Variants in GUCA1A observed in about 807,000 individuals in gnomAD.
GUCA1A encodes guanylate cyclase activator 1A, also known as guanylyl cyclase-activating protein 1.
GUCA1A carries 14 observed loss-of-function variants against 18.5 expected under a neutral mutation model. That is an observed-to-expected ratio of 0.76 (90% confidence interval 0.50 to 1.18). The LOEUF (loss-of-function observed/expected upper bound fraction) is 1.18. Ranked by LOEUF, GUCA1A falls within the 50% of genes most tolerant of loss-of-function variation. The pLI is 0.00. For synonymous variants in GUCA1A, 97 were observed against 100.2 expected (o/e 0.97, Z 0.19); for missense variants, 264 against 262.4 (o/e 1.01, Z -0.04).
rs913146179 is a variant in GUCA1A, at chr6:42,173,510, C to T, written c.-104C>T. 11 of 866,288 alleles carry T rather than the reference C, an allele frequency of 1.3e-5. No homozygotes were observed. In the African/African-American group the frequency reaches 1.3e-4, roughly 10 times the overall value. 53.7% of individuals were successfully genotyped at this position (866,288 alleles called of 1,614,324 possible). On this transcript the variant is annotated 5_prime_UTR_variant, in exon 1 of 4. Transcript: ENST00000372958. ...TTTGCTCAGGCCTGAAGGACTCAGG[C>T]CTGTGAGAGAGGACGGCCCCGTTGT... is the stretch of plus-strand genomic sequence containing the variant.
chr6:42,179,075 G>A (rs1455585217), intron 3 of GUCA1A, among the ~76,000 whole-genome samples, 168 bp from the exon 4 acceptor site: 1 of 146,682 alleles, frequency 6.8e-6, no homozygotes, highest in African/African-American at 2.7e-5. Context: ...AGGGGCCCCT[G>A]GACCAGAATC....
rs1582323170 is a variant in GUCA1A, at chr6:42,178,364, T to C, written c.286T>C (p.Phe96Leu). The stretch of plus-strand genomic sequence containing the variant: ...GGTGGAACAGAAGCTCCGCTGGTAC[T>C]TCAAGCTCTATGATGTAGATGGCAA... ...GKVEQKLRWY[F>L]KLYDVDGNGC... Residue 96 changes from phenylalanine (F) to leucine (L), a missense_variant, in exon 2 of 4, where the codon TTC becomes CTC. Physicochemically the swap from Phe to Leu is conservative, Grantham distance 22 (BLOSUM62 0). Coordinates refer to ENST00000372958, the MANE Select transcript of GUCA1A (RefSeq NM_001384910.1). The C allele has an allele frequency of 6.2e-7, 1 of 1,613,962 alleles. No homozygotes were observed. The highest frequency in any genetic ancestry group is 8.5e-7 in the Non-Finnish European group (1 of 1,179,826).
intron 1 of GUCA1A, among the ~76,000 whole-genome samples, chr6:42,177,768 C>G (rs1170663711): frequency 6.6e-6 from 1 of 152,178 alleles, no homozygotes; most frequent in East Asian, 1.9e-4. Flanking sequence ...ACTGAATGAG[C>G]CCACTGTGGG....
chr6:42,179,167 C>T (rs1768044841), intron 3 of GUCA1A, 76 bp from the exon 4 acceptor site: 4 of 1,402,842 alleles, frequency 2.9e-6, no homozygotes, highest in Admixed American at 1.7e-5. Flanking sequence ...CTGCCCCTGG[C>T]AAGAACCCGG....
In GUCA1A at chr6:42,179,747, C is replaced by T. The variant is rs549270436; in HGVS notation, c.*344C>T. 2.5e-4 allele frequency: 49 copies of T among 196,606 alleles called. No homozygotes were observed. Among genetic ancestry groups the T allele is most frequent in the African/African-American group, 1.0e-3 (44 of 42,904 alleles). The allele number at this position is 196,606 out of a possible 1,614,324, so 12.2% of individuals were successfully genotyped here. ...CTTCTCCAGTCCATGCTCTTCTGGA[C>T]GTGGACTCTCTGAGGCAGAACTGAG... On this transcript the variant is annotated 3_prime_UTR_variant, in exon 4 of 4. Coordinates refer to ENST00000372958, the MANE Select transcript of GUCA1A (RefSeq NM_001384910.1).
Position 42,178,785 on chromosome 6 carries a change from C to T in GUCA1A, c.352-17C>T. ...AAGGATGGGCCCCTCTCACTTCTGC[C>T]CCTTCTTCCCTCCCAGGCCATTCGC... On this transcript the variant is annotated splice_polypyrimidine_tract_variant and intron_variant, in intron 2 of 3. Transcript: ENST00000372958. 3.8e-6 allele frequency: 6 copies of T among 1,582,732 alleles called. 1 individual carries two copies. The South Asian group carries it at 6.6e-5, about 17-fold the overall frequency.
In GUCA1A at chr6:42,173,484, C is replaced by T. The variant is rs1767861510; in HGVS notation, c.-130C>T. On this transcript the variant is annotated 5_prime_UTR_variant, in exon 1 of 4. Coordinates refer to ENST00000372958, the MANE Select transcript of GUCA1A (RefSeq NM_001384910.1). Reference sequence around the variant, plus strand: ...GTACCATCTGATCCATCAGGCCCTTCTTTGCTCAGGCCTGAAGGACTCAGG... The same window carrying T: ...GTACCATCTGATCCATCAGGCCCTTTTTTGCTCAGGCCTGAAGGACTCAGG... The T allele has an allele frequency of 1.4e-6, 1 of 733,856 alleles. No homozygotes were observed. Among genetic ancestry groups the T allele is most frequent in the Admixed American group, 2.0e-5 (1 of 50,236 alleles). 45.5% of individuals were successfully genotyped at this position (733,856 alleles called of 1,614,324 possible).
intron 1 of GUCA1A, among the ~76,000 whole-genome samples, chr6:42,176,228 T>C (rs16895269): frequency 0.14 from 21,515 of 152,112 alleles, 1,893 homozygotes; most frequent in African/African-American, 0.25. Flanking sequence ...TTTTATAATA[T>C]ACATCAATTT....
Position 42,173,755 on chromosome 6 carries a change from C to A in GUCA1A, c.142C>A (p.Leu48Met), listed in dbSNP as rs35969994. ...CCGCCAGTTCTTCGGCCTCAAGAAC[C>A]TGAGCCCGTCGGCCAGCCAGTACGT... is the stretch of plus-strand genomic sequence containing the variant. ...EFRQFFGLKN[L>M]SPSASQYVEQ... is the part of the protein sequence containing the mutation. Residue 48 changes from leucine to methionine, a missense_variant, in exon 1 of 4, where the codon CTG becomes ATG. Coordinates refer to ENST00000372958, the MANE Select transcript of GUCA1A (RefSeq NM_001384910.1). The A allele has an allele frequency of 6.2e-7, 1 of 1,614,152 alleles. No individual in the cohort carries two copies. Among genetic ancestry groups the A allele is most frequent in the African/African-American group, 1.3e-5 (1 of 75,046 alleles).
Position 42,175,206 on chromosome 6 carries a change from G to A in GUCA1A, c.201+1392G>A, listed in dbSNP as rs991652624. 9.2e-5 allele frequency among the ~76,000 whole-genome samples: 14 copies of A among 151,768 alleles called. No homozygotes were observed. In the East Asian group the frequency reaches 1.9e-3, roughly 21 times the overall value. Reference sequence around the variant, plus strand: ...GCCTCACACCTTACCCCCAAACAGCGACATATCTCATCTTCTCACCTGCTA... The same window carrying A: ...GCCTCACACCTTACCCCCAAACAGCAACATATCTCATCTTCTCACCTGCTA... On this transcript the variant is annotated intron_variant, in intron 1 of 3. Transcript: ENST00000372958.
At position 42,179,408 on chromosome 6, in the gene GUCA1A, A is replaced by G; in HGVS notation, c.*5A>G. On this transcript the variant is annotated 3_prime_UTR_variant, in exon 4 of 4. Transcript: ENST00000372958. ...GCCGCTGAGGCAGCCGGCTGAGTGC[A>G]CCGCCCGGCTGCTTCTGCACTAGCG... The G allele has an allele frequency of 1.9e-6, 3 of 1,580,846 alleles. No homozygotes were observed. Among genetic ancestry groups the G allele is most frequent in the Non-Finnish European group, 2.6e-6 (3 of 1,161,380 alleles).
intron 1 of GUCA1A, among the ~76,000 whole-genome samples, chr6:42,174,782 G>T (rs189731240): frequency 6.6e-6 from 1 of 152,360 alleles, no homozygotes; most frequent in African/African-American, 2.4e-5. Context: ...ATCTGCAAAC[G>T]TGGCTCCCCA....
At chr6:42,175,055 G>A (rs531759843) in intron 1 of GUCA1A, among the ~76,000 whole-genome samples, 1 of 152,332 alleles carries the variant, frequency 6.6e-6, no homozygotes, top group African/African-American at 2.4e-5. Flanking sequence ...AGCGGGAGCA[G>A]GTGAGCAGAG....
In GUCA1A at chr6:42,173,412, G is replaced by A. The variant is rs1767859261; in HGVS notation, c.-202G>A. ...CTCTGGCATCTGTGAGTTTGAGTGT[G>A]GGCCATCATCTTCTTCCTTCTGCTC... is the stretch of plus-strand genomic sequence containing the variant. On this transcript the variant is annotated 5_prime_UTR_variant, in exon 1 of 4. Transcript: ENST00000372958. 3.2e-6 allele frequency: 2 copies of A among 623,250 alleles called. No homozygotes were observed. Among genetic ancestry groups the A allele is most frequent in the Non-Finnish European group, 5.8e-6 (2 of 347,210 alleles). 38.6% of individuals were successfully genotyped at this position (623,250 alleles called of 1,614,324 possible).
Position 42,178,620 on chromosome 6 carries a change from T to TGGA in GUCA1A, c.352-182_352-181insGGA, listed in dbSNP as rs1280377164. 5 of 812,192 alleles carry TGGA rather than the reference T, an allele frequency of 6.2e-6. No individual in the cohort carries two copies. The East Asian group carries it at 1.2e-4, about 20-fold the overall frequency. The allele number at this position is 812,192 out of a possible 1,614,324, so 50.3% of individuals were successfully genotyped here. A position where few individuals can be genotyped will look rare whatever the true frequency, so the allele number is the denominator to read the frequency against. Reference sequence around the variant, plus strand: ...CCCTTCCTTGGCCTCAGTTTCCTCATCAATACCAAAAGACGATAGAAGTTT... The same window carrying TGGA: ...CCCTTCCTTGGCCTCAGTTTCCTCATGGACAATACCAAAAGACGATAGAAGTTT... On this transcript the variant is annotated intron_variant, in intron 2 of 3. Coordinates refer to ENST00000372958, the MANE Select transcript of GUCA1A (RefSeq NM_001384910.1).
At position 42,178,270 on chromosome 6, in the gene GUCA1A, C is replaced by T; in HGVS notation, c.202-10C>T. ...CGGATGGGCTCACGGCGGCCGCGCC[C>T]CTCGCCCAGGACGGCTACATTGATT... On this transcript the variant is annotated splice_polypyrimidine_tract_variant and intron_variant, in intron 1 of 3. Coordinates refer to ENST00000372958, the MANE Select transcript of GUCA1A (RefSeq NM_001384910.1). 6.2e-7 allele frequency: 1 copy of T among 1,613,256 alleles called. No homozygotes were observed. Among genetic ancestry groups the T allele is most frequent in the South Asian group, 1.1e-5 (1 of 91,074 alleles).
intron 2 of GUCA1A, 41 bp from the exon 3 acceptor site, chr6:42,178,761 A>G: frequency 7.0e-7 from 1 of 1,438,140 alleles, no homozygotes; most frequent in Non-Finnish European, 9.8e-7. Context: ...AGATAGGATA[A>G]GGATGGGCCC....
Position 42,178,273 on chromosome 6 carries a change from C to A in GUCA1A, c.202-7C>A. On this transcript the variant is annotated splice_region_variant and splice_polypyrimidine_tract_variant and intron_variant, in intron 1 of 3. Coordinates refer to ENST00000372958, the MANE Select transcript of GUCA1A (RefSeq NM_001384910.1). ...ATGGGCTCACGGCGGCCGCGCCCCT[C>A]GCCCAGGACGGCTACATTGATTTCA... The A allele has an allele frequency of 6.2e-7, 1 of 1,613,320 alleles. No individual in the cohort carries two copies. The highest frequency in any genetic ancestry group is 8.5e-7 in the Non-Finnish European group (1 of 1,179,986).
chr6:42,178,292 G>A lies in GUCA1A; in HGVS notation c.214G>A (p.Asp72Asn), dbSNP rs772622120. Residue 72 changes from aspartate to asparagine, a missense_variant, in exon 2 of 4, where the codon GAT becomes AAT. Asp to Asn is a conservative substitution (Grantham distance 23). Coordinates refer to ENST00000372958, the MANE Select transcript of GUCA1A (RefSeq NM_001384910.1). ...GCCCCTCGCCCAGGACGGCTACATT[G>A]ATTTCATGGAGTACGTGGCAGCGCT... ...TFDFNKDGYI[D>N]FMEYVAALSL... 1 of 1,614,026 alleles carries A rather than the reference G, an allele frequency of 6.2e-7. No homozygotes were observed. The highest frequency in any genetic ancestry group is 8.5e-7 in the Non-Finnish European group (1 of 1,180,038).
Sources: gnomAD v4.1 joint callset for allele counts (sites outside exome capture counted in the v4.1 genomes callset) on GRCh38, gnomAD v4.1.1 for gene constraint, MANE v1.5 for transcripts, NCBI Gene and HGNC (gene_info 2026-07-23, HGNC 2026-07-21) for gene names.